The following CTDSPL2 variants were observed in gnomAD, a reference collection of about 807,000 sequenced individuals.
CTDSPL2 encodes the protein CTD small phosphatase-like protein 2.
In CTDSPL2, 5 loss-of-function variants were observed where a neutral mutation model predicts 60.0. That is an observed-to-expected ratio of 0.08 (90% CI 0.04 to 0.18). The LOEUF is 0.18. CTDSPL2 is among the 10% of genes least tolerant of loss of function. The pLI, the probability that CTDSPL2 is intolerant of heterozygous loss-of-function variation, is 1.00. For synonymous variants in CTDSPL2, 186 were observed against 189.3 expected (o/e 0.98, Z 0.14); for missense variants, 370 against 548.8 (o/e 0.67, Z 3.26).
chr15:44,487,467 G>A (rs2081141087), intron 4 of CTDSPL2, among the ~76,000 whole-genome samples: 1 of 151,782 alleles, frequency 6.6e-6, no homozygotes. Flanking sequence ...GGGGGTCCAC[G>A]TAAAAAAAAA....
intron 8 of CTDSPL2, among the ~76,000 whole-genome samples, chr15:44,513,216 A>C (rs770305432): frequency 7.2e-5 from 11 of 152,190 alleles, no homozygotes; most frequent in Non-Finnish European, 1.6e-4. Context: ...CTGTAATCTC[A>C]GCACTTTGGG....
At chr15:44,473,600 C>T (rs2080855518) in intron 2 of CTDSPL2, among the ~76,000 whole-genome samples, 1 of 151,696 alleles carries the variant, frequency 6.6e-6, no homozygotes, top group Non-Finnish European at 1.5e-5. Flanking sequence ...CAGCCGTATC[C>T]CTAGATTTTC....
intron 2 of CTDSPL2, among the ~76,000 whole-genome samples, chr15:44,480,072 C>T (rs1167931567): frequency 1.3e-5 from 2 of 152,148 alleles, no homozygotes; most frequent in African/African-American, 4.8e-5. Flanking sequence ...TTTGATTCCA[C>T]TCCCAATACT....
chr15:44,445,382 G>T (rs1240886119), intron 1 of CTDSPL2, among the ~76,000 whole-genome samples: 1 of 151,728 alleles, frequency 6.6e-6, no homozygotes, highest in Non-Finnish European at 1.5e-5. Context: ...TAGATACAGG[G>T]TTTCATCATG....
chr15:44,525,152 C>T lies in CTDSPL2; in HGVS notation c.*978C>T, dbSNP rs767685875. ...TTCTCCAGGAATGAAGTATTCAGCACAGTGACTCAGTATTTTTAGTTATTT... is the reference window on the plus strand; with the variant it reads ...TTCTCCAGGAATGAAGTATTCAGCATAGTGACTCAGTATTTTTAGTTATTT... On this transcript the variant is annotated 3_prime_UTR_variant, in exon 13 of 13. Coordinates refer to ENST00000260327, the MANE Select transcript of CTDSPL2 (RefSeq NM_016396.3). 2.0e-5 allele frequency: 7 copies of T among 347,828 alleles called. No individual in the cohort carries two copies. Among genetic ancestry groups the T allele is most frequent in the Admixed American group, 1.9e-4 (4 of 21,184 alleles). The allele number at this position is 347,828 out of a possible 1,614,324, so 21.5% of individuals were successfully genotyped here. A position where few individuals can be genotyped will look rare whatever the true frequency, so the allele number is the denominator to read the frequency against.
chr15:44,458,363 C>T (rs1376507588), intron 1 of CTDSPL2, among the ~76,000 whole-genome samples: 2 of 152,182 alleles, frequency 1.3e-5, no homozygotes, highest in Non-Finnish European at 2.9e-5. Context: ...AATGAGAGAG[C>T]TCAAATAAAT....
intron 2 of CTDSPL2, among the ~76,000 whole-genome samples, chr15:44,465,050 T>TA (rs2080657350): frequency 6.6e-6 from 1 of 152,036 alleles, no homozygotes; most frequent in East Asian, 1.9e-4. Flanking sequence ...TATCTTCAAA[T>TA]ACGGTCACGT....
At chr15:44,475,664 G>C (rs2080902019) in intron 2 of CTDSPL2, among the ~76,000 whole-genome samples, 1 of 150,944 alleles carries the variant, frequency 6.6e-6, no homozygotes, top group Admixed American at 6.6e-5. Context: ...AGATTCTTCA[G>C]ACGCTTTTTC....
At chr15:44,499,935 T>G in intron 8 of CTDSPL2, 122 bp downstream of exon 8, 1 of 570,834 alleles carries the variant, frequency 1.8e-6, no homozygotes, top group Admixed American at 3.0e-5. Flanking sequence ...TATAATGGAT[T>G]TCATCAACAT....
At chr15:44,501,846 G>A (rs1166665171) in intron 8 of CTDSPL2, 8 of 343,546 alleles carry the variant, frequency 2.3e-5, no homozygotes, top group South Asian at 2.0e-4. Context: ...TCTTATTTTG[G>A]CATAGCCATT....
intron 1 of CTDSPL2, among the ~76,000 whole-genome samples, chr15:44,450,490 A>G (rs1002328406): frequency 1.3e-5 from 2 of 152,064 alleles, no homozygotes; most frequent in Non-Finnish European, 2.9e-5. Flanking sequence ...GATGTTAGTA[A>G]TTATGAAACA....
intron 2 of CTDSPL2, among the ~76,000 whole-genome samples, chr15:44,480,150 G>A (rs946238748): frequency 3.3e-5 from 5 of 152,076 alleles, no homozygotes; most frequent in Non-Finnish European, 5.9e-5. Flanking sequence ...GTTCATAGGA[G>A]CAGACTGTTC....
At chr15:44,448,965 C>A in intron 1 of CTDSPL2, 1 of 406,918 alleles carries the variant, frequency 2.5e-6, no homozygotes, top group Admixed American at 3.6e-5. Flanking sequence ...CATCTTTATC[C>A]TCAAGAATGT....
At chr15:44,479,601 A>T (rs1374862177) in intron 2 of CTDSPL2, among the ~76,000 whole-genome samples, 1 of 151,544 alleles carries the variant, frequency 6.6e-6, no homozygotes. Flanking sequence ...TAGAAATGGG[A>T]TCTTGCTGTG....
In CTDSPL2 at chr15:44,526,743, G is replaced by A. The variant is rs1227553138; in HGVS notation, c.*2569G>A. The A allele has an allele frequency of 6.6e-6, 1 of 151,922 alleles. No homozygotes were observed. Among genetic ancestry groups the A allele is most frequent in the African/African-American group, 2.4e-5 (1 of 41,360 alleles). 9.4% of individuals were successfully genotyped at this position (151,922 alleles called of 1,614,324 possible). The stretch of plus-strand genomic sequence containing the variant: ...GGTAGATGTAAAAAACTTCCATTTA[G>A]TTAATCGGAGGTGTGTATTTTTTAA... On this transcript the variant is annotated 3_prime_UTR_variant, in exon 13 of 13. Coordinates refer to ENST00000260327, the MANE Select transcript of CTDSPL2 (RefSeq NM_016396.3).
chr15:44,496,001 A>G (rs543358528), intron 5 of CTDSPL2, among the ~76,000 whole-genome samples: 34 of 152,318 alleles, frequency 2.2e-4, no homozygotes, highest in African/African-American at 8.2e-4. Flanking sequence ...GCGTGTATGT[A>G]CAAGGCATTT....
At chr15:44,447,842 T>A (rs1430712297) in intron 1 of CTDSPL2, 2 of 153,990 alleles carry the variant, frequency 1.3e-5, no homozygotes, top group Non-Finnish European at 2.9e-5. Flanking sequence ...CAAAGGACCC[T>A]GCCAAACTTC....
chr15:44,525,201 T>C lies in CTDSPL2; in HGVS notation c.*1027T>C, dbSNP rs2081853551. ...TTTGCATGGGCTGGTAGTACCTCTGTTATGCTCTCAGTTACAATCAATTTA... is the reference window on the plus strand; with the variant it reads ...TTTGCATGGGCTGGTAGTACCTCTGCTATGCTCTCAGTTACAATCAATTTA... On this transcript the variant is annotated 3_prime_UTR_variant, in exon 13 of 13. Coordinates refer to ENST00000260327, the MANE Select transcript of CTDSPL2 (RefSeq NM_016396.3). 3 of 388,838 alleles carry C rather than the reference T, an allele frequency of 7.7e-6. No homozygotes were observed. The highest frequency in any genetic ancestry group is 4.4e-5 in the Admixed American group (1 of 22,498). The allele number at this position is 388,838 out of a possible 1,614,324, so 24.1% of individuals were successfully genotyped here. A position where few individuals can be genotyped will look rare whatever the true frequency, so the allele number is the denominator to read the frequency against.
At chr15:44,484,050 T>C (rs2081076433) in intron 2 of CTDSPL2, among the ~76,000 whole-genome samples, 174 bp from the exon 3 acceptor site, 1 of 152,238 alleles carries the variant, frequency 6.6e-6, no homozygotes, top group East Asian at 1.9e-4. Context: ...ATTCATGTTC[T>C]TACAGCCCTG....
Sources: allele counts gnomAD v4.1 joint callset (sites outside exome capture counted in the v4.1 genomes callset), GRCh38; gene constraint gnomAD v4.1.1; transcripts MANE v1.5; gene names NCBI Gene and HGNC (gene_info 2026-07-23, HGNC 2026-07-21).